Variants in CCSER1 observed in about 807,000 individuals in gnomAD.
CCSER1 encodes the protein coiled-coil serine rich protein 1.
A neutral mutation model predicts 82.0 loss-of-function variants in CCSER1; 41 were observed. That is an observed-to-expected ratio of 0.50 (90% CI 0.39 to 0.65). The LOEUF (loss-of-function observed/expected upper bound fraction) is 0.65, where lower values mean the gene tolerates loss of function less well. CCSER1 is among the 30% of genes least tolerant of loss of function. CCSER1 has a pLI of 0.00. For synonymous variants in CCSER1, 414 were observed against 383.9 expected (o/e 1.08, Z -0.92); for missense variants, 1,119 against 1,064.2 (o/e 1.05, Z -0.72).
chr4:90,860,746 A>G lies in CCSER1; in HGVS notation c.2094+44901A>G, dbSNP rs568582817. 1.8e-3 allele frequency among the ~76,000 whole-genome samples: 269 copies of G among 151,860 alleles called. 2 individuals carry two copies. Among genetic ancestry groups the G allele is most frequent in the Non-Finnish European group, 2.1e-3 (141 of 67,724 alleles). On this transcript the variant is annotated intron_variant, in intron 8 of 10. Transcript: ENST00000509176. ...GTAAACTTGAAAATACGCAAAGTCA[A>G]AGAAGGCAGAGAGAAAAGGCCATAT...
At chr4:90,842,531 G>T (rs763838364) in intron 8 of CCSER1, among the ~76,000 whole-genome samples, 1 of 152,158 alleles carries the variant, frequency 6.6e-6, no homozygotes, top group African/African-American at 2.4e-5. Flanking sequence ...GAAAGGGAAG[G>T]AGGAGGAAAT....
At position 91,380,345 on chromosome 4, in the gene CCSER1, G is replaced by A. The variant is rs540624668; in HGVS notation, c.2218-218227G>A. 4.2e-3 allele frequency among the ~76,000 whole-genome samples: 634 copies of A among 152,176 alleles called. 6 individuals are homozygous for A. The highest frequency in any genetic ancestry group is 0.02 in the South Asian group (94 of 4,820). ...TTGATCTGTCTAATGTTGACAGTGAGGTGTTAAAGTCTCCCATTATTATTG... is the reference window on the plus strand; with the variant it reads ...TTGATCTGTCTAATGTTGACAGTGAAGTGTTAAAGTCTCCCATTATTATTG... On this transcript the variant is annotated intron_variant, in intron 10 of 10. Coordinates refer to ENST00000509176, the MANE Select transcript of CCSER1 (RefSeq NM_001145065.2).
At chr4:91,421,515 T>C (rs906856498) in intron 10 of CCSER1, among the ~76,000 whole-genome samples, 1 of 152,160 alleles carries the variant, frequency 6.6e-6, no homozygotes, top group Non-Finnish European at 1.5e-5. Context: ...TAATTTTTTG[T>C]TATATGGAGG....
chr4:90,795,505 A>G (rs1036666756), intron 7 of CCSER1, among the ~76,000 whole-genome samples: 4 of 152,098 alleles, frequency 2.6e-5, no homozygotes, highest in Non-Finnish European at 4.4e-5. Flanking sequence ...TTGCCTGATT[A>G]TCCTGGCCAG....
intron 7 of CCSER1, among the ~76,000 whole-genome samples, chr4:90,775,692 T>G (rs557221620): frequency 6.6e-6 from 1 of 152,338 alleles, no homozygotes; most frequent in East Asian, 1.9e-4. Flanking sequence ...CATTTTTCAC[T>G]TATGGAATGA....
intron 5 of CCSER1, among the ~76,000 whole-genome samples, chr4:90,626,359 C>T (rs1401185310): frequency 1.3e-5 from 2 of 152,024 alleles, no homozygotes; most frequent in East Asian, 1.9e-4. Flanking sequence ...TTAATATATA[C>T]CTACCGTGAC....
At chr4:91,464,266 G>A in intron 10 of CCSER1, among the ~76,000 whole-genome samples, 2 of 152,128 alleles carry the variant, frequency 1.3e-5, no homozygotes, top group Non-Finnish European at 2.9e-5. Context: ...CTTCATAAGT[G>A]AAGGAGAAGT....
intron 5 of CCSER1, among the ~76,000 whole-genome samples, chr4:90,571,937 G>A (rs1780166657): frequency 6.6e-6 from 1 of 151,958 alleles, no homozygotes; most frequent in African/African-American, 2.4e-5. Flanking sequence ...TAGAGTATTA[G>A]TTAATCTGAA....
At chr4:90,764,240 A>T (rs1479745553) in intron 7 of CCSER1, among the ~76,000 whole-genome samples, 2 of 152,002 alleles carry the variant, frequency 1.3e-5, no homozygotes, top group African/African-American at 4.8e-5. Flanking sequence ...ATTATTTAAT[A>T]AAAAAAAGAG....
chr4:90,145,950 G>A (rs1027925256), intron 1 of CCSER1, among the ~76,000 whole-genome samples: 1 of 151,966 alleles, frequency 6.6e-6, no homozygotes, highest in Non-Finnish European at 1.5e-5. Flanking sequence ...CTGAAGATTT[G>A]TTGAAATAAT....
intron 8 of CCSER1, among the ~76,000 whole-genome samples, chr4:90,855,699 T>C (rs1764385258): frequency 6.6e-6 from 1 of 152,180 alleles, no homozygotes; most frequent in Non-Finnish European, 1.5e-5. Context: ...TTGATTAATA[T>C]CTTTATGTTC....
chr4:90,777,499 C>T (rs1297818276), intron 7 of CCSER1, among the ~76,000 whole-genome samples: 2 of 151,752 alleles, frequency 1.3e-5, no homozygotes, highest in East Asian at 1.9e-4. Context: ...ACTGTGCTTT[C>T]ATGAATACTA....
intron 7 of CCSER1, among the ~76,000 whole-genome samples, chr4:90,725,380 G>A (rs1743457968): frequency 6.6e-6 from 1 of 151,468 alleles, no homozygotes; most frequent in South Asian, 2.1e-4. Flanking sequence ...TTCTCTAACT[G>A]GTTCTGAGAG....
chr4:90,888,299 C>T (rs2150102507), intron 8 of CCSER1, among the ~76,000 whole-genome samples: 1 of 152,178 alleles, frequency 6.6e-6, no homozygotes, highest in East Asian at 1.9e-4. Flanking sequence ...CTTTTATATT[C>T]CTAATTTATC....
chr4:90,401,984 CAACAGCACAACCTCTGA>C (rs1308634126), intron 4 of CCSER1, among the ~76,000 whole-genome samples: 2 of 152,206 alleles, frequency 1.3e-5, no homozygotes, highest in South Asian at 4.1e-4. Context: ...GACTGAAGTA[CAACAGCACAACCTCTGA>C]AGTGTTCGTG....
At chr4:91,368,632 G>T (rs1749807990) in intron 10 of CCSER1, among the ~76,000 whole-genome samples, 1 of 151,844 alleles carries the variant, frequency 6.6e-6, no homozygotes, top group Non-Finnish European at 1.5e-5. Flanking sequence ...CTCCTCTGTT[G>T]TCTCCTGGAT....
intron 10 of CCSER1, among the ~76,000 whole-genome samples, chr4:91,497,671 G>A (rs1241099972): frequency 6.6e-6 from 1 of 151,710 alleles, no homozygotes. Flanking sequence ...TAAGGAACAC[G>A]TGTATTAAAA....
At chr4:91,450,671 A>T (rs1393813826) in intron 10 of CCSER1, among the ~76,000 whole-genome samples, 1 of 152,028 alleles carries the variant, frequency 6.6e-6, no homozygotes. Flanking sequence ...GAGTTAGTTA[A>T]GGTGGCTGTA....
intron 5 of CCSER1, among the ~76,000 whole-genome samples, chr4:90,491,901 C>T (rs936163628): frequency 5.3e-5 from 8 of 152,252 alleles, no homozygotes; most frequent in African/African-American, 1.9e-4. Context: ...TTTTGATGTG[C>T]TGCTGGATTT....
Sources: allele counts gnomAD v4.1 joint callset (sites outside exome capture counted in the v4.1 genomes callset), GRCh38; gene constraint gnomAD v4.1.1; transcripts MANE v1.5; gene names NCBI Gene and HGNC (gene_info 2026-07-23, HGNC 2026-07-21).